The following ASXL3 variants were observed in gnomAD, a reference collection of about 807,000 sequenced individuals.
ASXL3 encodes the protein ASXL transcriptional regulator 3.
A neutral mutation model predicts 170.6 loss-of-function variants in ASXL3; 34 were observed. The observed-to-expected ratio is 0.20, with a 90% CI of 0.15 to 0.27. The LOEUF (loss-of-function observed/expected upper bound fraction) is 0.27, where lower values mean the gene tolerates loss of function less well. Ranked by LOEUF, ASXL3 falls within the 10% of genes least tolerant of loss-of-function variation. The probability of loss-of-function intolerance (pLI) is 1.00; values close to 1 mark genes in which losing one functional copy is unlikely to be tolerated. For missense variants in ASXL3, 2,592 were observed against 2,695.3 expected (o/e 0.96, Z 0.85); for synonymous variants, 1,002 against 989.1 (o/e 1.01, Z -0.24).
chr18:33,611,573 G>A (rs1413182116), intron 2 of ASXL3, among the ~76,000 whole-genome samples: 5 of 151,996 alleles, frequency 3.3e-5, no homozygotes. Flanking sequence ...TAATCAAATG[G>A]CCATGCTGCT....
intron 11 of ASXL3, 131 bp downstream of exon 11, chr18:33,740,574 T>C (rs573436584): frequency 1.1e-6 from 1 of 892,720 alleles, no homozygotes; most frequent in African/African-American, 1.7e-5. Context: ...AATCCTCTAA[T>C]AGTAAATGAT....
At chr18:33,590,915 G>A (rs1333164811) in intron 1 of ASXL3, among the ~76,000 whole-genome samples, 10 of 152,098 alleles carry the variant, frequency 6.6e-5, no homozygotes, top group Admixed American at 3.3e-4. Context: ...ATTTCTTCGT[G>A]AAGCTTCCAG....
At chr18:33,655,597 A>G (rs1470663233) in intron 4 of ASXL3, among the ~76,000 whole-genome samples, 5 of 152,088 alleles carry the variant, frequency 3.3e-5, no homozygotes, top group African/African-American at 1.2e-4. Flanking sequence ...AGATGTTTTT[A>G]GAAAAGGCAG....
chr18:33,668,616 T>G (rs1198689389), intron 5 of ASXL3, among the ~76,000 whole-genome samples: 1 of 152,120 alleles, frequency 6.6e-6, no homozygotes, highest in East Asian at 1.9e-4. Flanking sequence ...TCACCTTCCT[T>G]TATCCTTGCC....
chr18:33,604,307 G>C (rs1219902729), intron 1 of ASXL3, among the ~76,000 whole-genome samples: 2 of 151,854 alleles, frequency 1.3e-5, no homozygotes, highest in Admixed American at 6.6e-5. Flanking sequence ...CATGAAAAAA[G>C]TATATTCAAA....
intron 8 of ASXL3, among the ~76,000 whole-genome samples, chr18:33,706,293 G>A (rs2066956756): frequency 6.6e-6 from 1 of 151,492 alleles, no homozygotes; most frequent in Non-Finnish European, 1.5e-5. Context: ...GGTATTTATG[G>A]TTTTGCTTCC....
intron 5 of ASXL3, among the ~76,000 whole-genome samples, chr18:33,665,729 G>A (rs1449439203): frequency 1.3e-5 from 2 of 151,880 alleles, no homozygotes; most frequent in East Asian, 3.9e-4. Context: ...CAGGCTTTCT[G>A]TCTGAAAAAT....
intron 2 of ASXL3, among the ~76,000 whole-genome samples, chr18:33,634,821 A>T (rs1448684830): frequency 6.6e-6 from 1 of 152,180 alleles, no homozygotes; most frequent in African/African-American, 2.4e-5. Flanking sequence ...GAGCACTCAA[A>T]CCTGGCAAGG....
intron 4 of ASXL3, among the ~76,000 whole-genome samples, chr18:33,656,887 A>C (rs2066093111): frequency 6.6e-6 from 1 of 152,148 alleles, no homozygotes; most frequent in African/African-American, 2.4e-5. Flanking sequence ...ATGAATTCTT[A>C]TTAAAAATCA....
chr18:33,642,096 T>G (rs770470880), intron 2 of ASXL3, among the ~76,000 whole-genome samples: 1 of 151,952 alleles, frequency 6.6e-6, no homozygotes, highest in Non-Finnish European at 1.5e-5. Context: ...GTTTAAGATA[T>G]ATATATGTGT....
chr18:33,683,795 A>C lies in ASXL3; in HGVS notation c.879+227A>C, dbSNP rs150800573. Reference sequence around the variant, plus strand: ...AATACGGTACATTGTGGTAGAGTGAAAACTATAAACTTACATTGGAAAGGG... The same window carrying C: ...AATACGGTACATTGTGGTAGAGTGACAACTATAAACTTACATTGGAAAGGG... On this transcript the variant is annotated intron_variant, in intron 8 of 11. Transcript: ENST00000269197. The C allele has an allele frequency of 1.6e-3, 585 of 375,158 alleles. 4 individuals carry two copies. Among genetic ancestry groups the C allele is most frequent in the African/African-American group, 0.011 (523 of 47,980 alleles). The allele number at this position is 375,158 out of a possible 1,614,324, so 23.2% of individuals were successfully genotyped here.
chr18:33,598,828 G>A (rs1233560410), intron 1 of ASXL3, among the ~76,000 whole-genome samples: 3 of 152,172 alleles, frequency 2.0e-5, no homozygotes, highest in East Asian at 1.9e-4. Flanking sequence ...GAACAGGAGA[G>A]CAGTTGTCCA....
At chr18:33,697,549 T>C (rs1186333757) in intron 8 of ASXL3, among the ~76,000 whole-genome samples, 1 of 152,132 alleles carries the variant, frequency 6.6e-6, no homozygotes, top group East Asian at 1.9e-4. Context: ...GCTCAGTTTA[T>C]AGTGAAGTCT....
At chr18:33,645,353 A>G (rs897499533) in intron 3 of ASXL3, among the ~76,000 whole-genome samples, 1 of 151,968 alleles carries the variant, frequency 6.6e-6, no homozygotes, top group Non-Finnish European at 1.5e-5. Flanking sequence ...GTCAGTTGAT[A>G]TACAGGCTTC....
At chr18:33,588,009 T>G (rs2145094256) in intron 1 of ASXL3, among the ~76,000 whole-genome samples, 1 of 152,038 alleles carries the variant, frequency 6.6e-6, no homozygotes. Context: ...ACAGTTTTAA[T>G]AGTCTGTCTT....
Position 33,745,728 on chromosome 18 carries a change from A to G in ASXL3, c.5880A>G (p.Ala1960=). The G allele has an allele frequency of 6.2e-7, 1 of 1,613,944 alleles. No homozygotes were observed. The highest frequency in any genetic ancestry group is 8.5e-7 in the Non-Finnish European group (1 of 1,179,868). ...ASSKTPVGCN[A]FAFNRHLEQK... ...CCAAGACCCCAGTGGGGTGTAATGCATTTGCCTTCAACAGGCATCTTGAAC... is the reference window on the plus strand; with the variant it reads ...CCAAGACCCCAGTGGGGTGTAATGCGTTTGCCTTCAACAGGCATCTTGAAC... Residue 1960 remains alanine, a synonymous_variant, in exon 12 of 12, where the codon GCA becomes GCG. Transcript: ENST00000269197.
At chr18:33,637,879 G>A (rs2065792167) in intron 2 of ASXL3, among the ~76,000 whole-genome samples, 1 of 152,098 alleles carries the variant, frequency 6.6e-6, no homozygotes, top group South Asian at 2.1e-4. Flanking sequence ...CTGCCTTTCT[G>A]CTGAGTCCCC....
intron 8 of ASXL3, among the ~76,000 whole-genome samples, chr18:33,694,497 G>C (rs150240965): frequency 1.7e-3 from 258 of 152,068 alleles, no homozygotes; most frequent in Non-Finnish European, 3.2e-3. Context: ...ATTTTTACTT[G>C]ATGTTCTTCT....
At chr18:33,579,544 G>A (rs1377928660) in intron 1 of ASXL3, among the ~76,000 whole-genome samples, 2 of 152,126 alleles carry the variant, frequency 1.3e-5, no homozygotes, top group Non-Finnish European at 2.9e-5. Flanking sequence ...TAGAAATGCC[G>A]GTTGGCAGAG....
Sources: allele counts gnomAD v4.1 joint callset (sites outside exome capture counted in the v4.1 genomes callset), GRCh38; gene constraint gnomAD v4.1.1; transcripts MANE v1.5; gene names NCBI Gene and HGNC (gene_info 2026-07-23, HGNC 2026-07-21).